ABCC5: variants seen among roughly 807,000 people sequenced by gnomAD.
ABCC5 encodes ATP binding cassette subfamily C member 5.
In ABCC5, 61 loss-of-function variants were observed where a neutral mutation model predicts 160.9. The observed-to-expected ratio is 0.38, with a 90% CI of 0.31 to 0.47. The LOEUF is 0.47. Ranked by LOEUF, ABCC5 falls within the 20% of genes least tolerant of loss-of-function variation. ABCC5 has a pLI of 0.99. For synonymous variants in ABCC5, 666 were observed against 700.6 expected (o/e 0.95, Z 0.78); for missense variants, 1,308 against 1,813.3 (o/e 0.72, Z 5.06).
In ABCC5 at chr3:183,938,007, A is replaced by C; in HGVS notation, c.3748T>G (p.Cys1250Gly). Residue 1250 changes from cysteine to glycine, a missense_variant, in exon 26 of 30, where the codon TGC (cysteine) becomes GGC (glycine). By Grantham distance (159) the Cys-to-Gly change is radical. Coordinates refer to ENST00000334444, the MANE Select transcript of ABCC5 (RefSeq NM_005688.4). ...LFRLVELSGG[C>G]IKIDGVRISD... ...ATTCTCACTCCATCAATCTTGATGC[A>C]GCCTCCAGATAACTCCACCAGACGG... The C allele has an allele frequency of 6.2e-7, 1 of 1,614,212 alleles. No individual in the cohort carries two copies. Among genetic ancestry groups the C allele is most frequent in the Non-Finnish European group, 8.5e-7 (1 of 1,180,040 alleles).
intron 27 of ABCC5, 150 bp downstream of exon 27, chr3:183,928,597 G>A: frequency 1.5e-6 from 1 of 653,936 alleles, no homozygotes; most frequent in Non-Finnish European, 2.7e-6. Context: ...GCTTTTCCCA[G>A]GTATCTGAAA....
At position 183,965,274 on chromosome 3, in the gene ABCC5, G is replaced by A. The variant is rs377541916; in HGVS notation, c.1959-17C>T. On this transcript the variant is annotated splice_polypyrimidine_tract_variant and intron_variant, in intron 13 of 29. Coordinates refer to ENST00000334444, the MANE Select transcript of ABCC5 (RefSeq NM_005688.4). ...GAGTTGTATCTGGAGGACACAAAGAGACAGCGTCAGGGACACGGCGGGAGC... is the reference window on the plus strand; with the variant it reads ...GAGTTGTATCTGGAGGACACAAAGAAACAGCGTCAGGGACACGGCGGGAGC... The A allele has an allele frequency of 5.0e-6, 8 of 1,614,252 alleles. No homozygotes were observed. The highest frequency in any genetic ancestry group is 4.5e-5 in the East Asian group (2 of 44,886).
intron 2 of ABCC5, among the ~76,000 whole-genome samples, chr3:183,998,308 A>ATT (rs756298216): frequency 7.4e-4 from 112 of 152,250 alleles, no homozygotes; most frequent in Admixed American, 2.6e-3. Context: ...TTTCACTTCT[A>ATT]TTTTGTGGAC....
chr3:183,947,048 A>G (rs1714907114), intron 23 of ABCC5, among the ~76,000 whole-genome samples: 1 of 152,234 alleles, frequency 6.6e-6, no homozygotes, highest in Non-Finnish European at 1.5e-5. Flanking sequence ...TATTTTCAAG[A>G]TCATATTTCT....
At chr3:183,950,581 T>A (rs1382313411) in intron 20 of ABCC5, among the ~76,000 whole-genome samples, 1 of 152,210 alleles carries the variant, frequency 6.6e-6, no homozygotes, top group Non-Finnish European at 1.5e-5. Flanking sequence ...TTTTTGGCTG[T>A]CTCCCCACCC....
rs372510032 is a variant in ABCC5 at position 183,978,487 on chromosome 3, C to G, written c.1296+16G>C. On this transcript the variant is annotated intron_variant, in intron 9 of 29. Coordinates refer to ENST00000334444, the MANE Select transcript of ABCC5 (RefSeq NM_005688.4). ...GGTATTTCTAAAATGTTCCCCATCCCTGAGGGTTCCCTGACCTGTGCTGCT... is the reference window on the plus strand; with the variant it reads ...GGTATTTCTAAAATGTTCCCCATCCGTGAGGGTTCCCTGACCTGTGCTGCT... 1.1e-5 allele frequency: 17 copies of G among 1,604,558 alleles called. No individual in the cohort carries two copies. The African/African-American group carries it at 1.5e-4, about 14-fold the overall frequency.
intron 26 of ABCC5, among the ~76,000 whole-genome samples, chr3:183,936,046 A>G (rs781726937): frequency 2.0e-5 from 3 of 152,196 alleles, no homozygotes; most frequent in Non-Finnish European, 2.9e-5. Flanking sequence ...ACTGACCCCA[A>G]TGTGATGGTG....
At chr3:183,952,088 G>A in intron 18 of ABCC5, 85 bp from the exon 19 acceptor site, 1 of 1,485,436 alleles carries the variant, frequency 6.7e-7, no homozygotes, top group Middle Eastern at 1.9e-4. Flanking sequence ...CTCAAGGGCA[G>A]GGCAGGGTAC....
chr3:183,978,431 T>C, intron 9 of ABCC5, 72 bp downstream of exon 9: 1 of 1,557,088 alleles, frequency 6.4e-7, no homozygotes, highest in Non-Finnish European at 8.7e-7. Flanking sequence ...TGGGTTCAAG[T>C]GATTTTCCTG....
chr3:184,005,541 T>C (rs1239413758), intron 2 of ABCC5, among the ~76,000 whole-genome samples: 5 of 151,728 alleles, frequency 3.3e-5, no homozygotes, highest in Non-Finnish European at 7.4e-5. Flanking sequence ...GGTTTAACCA[T>C]TGCAAAGCCT....
At chr3:183,933,691 G>T (rs1469617247) in intron 26 of ABCC5, among the ~76,000 whole-genome samples, 1 of 152,154 alleles carries the variant, frequency 6.6e-6, no homozygotes, top group Non-Finnish European at 1.5e-5. Flanking sequence ...TAAGGAAGGG[G>T]TGTGGTCCCA....
chr3:183,978,579 G>C lies in ABCC5; in HGVS notation c.1220C>G (p.Pro407Arg). Residue 407 changes from proline (P) to arginine (R), a missense_variant, in exon 9 of 30, where the codon CCC (proline) becomes CGC (arginine). Transcript: ENST00000334444. ...CACGCTGGCAATCACCACCACAATG[G>C]GAGCCACACCCACAGTGATGCTCTG... is the stretch of plus-strand genomic sequence containing the variant. ...YFQSITVGVA[P>R]IVVVIASVVT... is the part of the protein sequence containing the mutation. 6.2e-7 allele frequency: 1 copy of C among 1,613,928 alleles called. No individual in the cohort carries two copies. Among genetic ancestry groups the C allele is most frequent in the Non-Finnish European group, 8.5e-7 (1 of 1,179,992 alleles).
intron 20 of ABCC5, among the ~76,000 whole-genome samples, chr3:183,950,795 C>T (rs1715275291): frequency 6.6e-6 from 1 of 152,212 alleles, no homozygotes; most frequent in Non-Finnish European, 1.5e-5. Flanking sequence ...AATGGCCTAT[C>T]AATGCCTGAA....
At chr3:183,974,443 G>C (rs566856668) in intron 10 of ABCC5, among the ~76,000 whole-genome samples, 186 of 152,132 alleles carry the variant, frequency 1.2e-3, no homozygotes, top group South Asian at 2.1e-3. Context: ...TGAGTAGCTG[G>C]GATTACAGGT....
At chr3:183,938,175 T>A in intron 25 of ABCC5, 115 bp from the exon 26 acceptor site, 3 of 1,015,230 alleles carry the variant, frequency 3.0e-6, no homozygotes, top group Non-Finnish European at 4.4e-6. Flanking sequence ...AGTTGTTATT[T>A]CAACTGATTA....
intron 2 of ABCC5, among the ~76,000 whole-genome samples, chr3:183,989,918 C>T (rs1719594177): frequency 1.3e-5 from 2 of 149,820 alleles, no homozygotes; most frequent in South Asian, 4.2e-4. Context: ...AATTCTCCTG[C>T]CTCAGCCTCC....
At chr3:183,966,115 T>C (rs1289233523) in intron 12 of ABCC5, among the ~76,000 whole-genome samples, 5 of 152,224 alleles carry the variant, frequency 3.3e-5, no homozygotes, top group Non-Finnish European at 7.3e-5. Flanking sequence ...CCCCCTTCCA[T>C]GATTTCTTTT....
intron 2 of ABCC5, among the ~76,000 whole-genome samples, chr3:184,002,987 G>A (rs1265610114): frequency 1.3e-5 from 2 of 152,058 alleles, no homozygotes; most frequent in African/African-American, 2.4e-5. Flanking sequence ...GAATCAACAG[G>A]CCTCAGATCT....
intron 2 of ABCC5, among the ~76,000 whole-genome samples, chr3:183,994,503 G>A (rs1219748252): frequency 6.6e-6 from 1 of 152,096 alleles, no homozygotes; most frequent in Non-Finnish European, 1.5e-5. Flanking sequence ...AGCCTCCTGA[G>A]TTGCTGGGAT....
Sources: allele counts gnomAD v4.1 joint callset (sites outside exome capture counted in the v4.1 genomes callset), GRCh38; gene constraint gnomAD v4.1.1; transcripts MANE v1.5; gene names NCBI Gene and HGNC (gene_info 2026-07-23, HGNC 2026-07-21).